IRF4: variants seen among roughly 807,000 people sequenced by gnomAD.
The protein encoded by IRF4 is interferon regulatory factor 4.
Under a neutral mutation model 55.5 loss-of-function variants are expected in IRF4, and 13 were observed. The ratio of observed to expected loss-of-function variants is 0.23; its 90% CI spans 0.15 to 0.37. The LOEUF (loss-of-function observed/expected upper bound fraction) is 0.37, where lower values mean the gene tolerates loss of function less well. Ranked by LOEUF, IRF4 falls within the 10% of genes least tolerant of loss-of-function variation. The pLI, the probability that IRF4 is intolerant of heterozygous loss-of-function variation, is 1.00. For synonymous variants in IRF4, 249 were observed against 240.7 expected (o/e 1.03, Z -0.32); for missense variants, 397 against 593.8 (o/e 0.67, Z 3.44).
At chr6:407,154 G>T (rs1209222550) in intron 8 of IRF4, among the ~76,000 whole-genome samples, 1 of 152,160 alleles carries the variant, frequency 6.6e-6, no homozygotes, top group Non-Finnish European at 1.5e-5. Context: ...CTTTTAATTT[G>T]ATCACTTTAC....
chr6:402,621 C>T (rs528794445), intron 7 of IRF4, among the ~76,000 whole-genome samples: 3 of 152,356 alleles, frequency 2.0e-5, no homozygotes, highest in Non-Finnish European at 4.4e-5. Flanking sequence ...AAATATGACA[C>T]GTCTGTGTGC....
In IRF4 at chr6:393,178, G is replaced by A. The variant is rs1581220840; in HGVS notation, c.26G>A (p.Gly9Asp). ...ATGAACCTGGAGGGCGGCGGCCGAG[G>A]CGGAGAGTTCGGCATGAGCGCGGTG... Reference protein sequence around the residue: MNLEGGGRGGEFGMSAVSC... With the variant: MNLEGGGRDGEFGMSAVSC... Residue 9 changes from glycine to aspartate, a missense_variant, in exon 2 of 9, where the codon GGC (glycine) becomes GAC (aspartate). By Grantham distance (94) the Gly-to-Asp change is moderately conservative (BLOSUM62 -1). This residue lies in a region of IRF4 where 34 missense variants were observed against 29.4 expected (regional missense o/e 1.16). Coordinates refer to ENST00000380956, the MANE Select transcript of IRF4 (RefSeq NM_002460.4). The surrounding 1 kb of genome is among the most constrained non-coding windows in gnomAD (Gnocchi z 5.4). The A allele has an allele frequency of 6.4e-7, 1 of 1,552,484 alleles. No individual in the cohort carries two copies. The highest frequency in any genetic ancestry group is 2.4e-5 in the East Asian group (1 of 41,244).
intron 1 of IRF4, among the ~76,000 whole-genome samples, chr6:392,743 G>A (rs771297689): frequency 6.6e-6 from 1 of 152,204 alleles, no homozygotes; most frequent in Non-Finnish European, 1.5e-5. Context: ...CGAGAGCTGC[G>A]AGTGAGTGCG....
rs2127436200 is a variant in IRF4, at chr6:393,430, TC to T, written c.216+66del. 1.0e-5 allele frequency: 4 copies of T among 383,378 alleles called. No individual in the cohort carries two copies. Among genetic ancestry groups the T allele is most frequent in the African/African-American group, 2.4e-5 (1 of 42,370 alleles). 23.7% of individuals were successfully genotyped at this position (383,378 alleles called of 1,614,324 possible). On this transcript the variant is annotated intron_variant, in intron 2 of 8. Coordinates refer to ENST00000380956, the MANE Select transcript of IRF4 (RefSeq NM_002460.4). This position sits in a 1 kb window ranked among gnomAD's most constrained non-coding sequence, Gnocchi z 5.4. The stretch of plus-strand genomic sequence containing the variant: ...GAGGGCCCAGAGACAGAGCCCGGGG[TC>T]CCCGGCGCCGCCTCCGAGGCGAGCC...
At chr6:406,755 A>G in intron 8 of IRF4, 2 of 1,148,996 alleles carry the variant, frequency 1.7e-6, no homozygotes, top group Non-Finnish European at 1.1e-6. Context: ...TATTAATTTA[A>G]TTCATTTCAG....
intron 2 of IRF4, among the ~76,000 whole-genome samples, chr6:394,522 C>G (rs958973315): frequency 2.6e-5 from 4 of 152,180 alleles, no homozygotes; most frequent in Admixed American, 2.6e-4. Context: ...AATCCCAGCA[C>G]TTTGGGAAGA....
rs545920386 is a variant in IRF4 at position 411,339 on chromosome 6, G to T, written c.*3741G>T. The stretch of plus-strand genomic sequence containing the variant: ...CTGAGGTAGATAATGCTATGCTGTC[G>T]TTGGTATACATCATGAATTTTTATG... On this transcript the variant is annotated 3_prime_UTR_variant, in exon 9 of 9. Coordinates refer to ENST00000380956, the MANE Select transcript of IRF4 (RefSeq NM_002460.4). 4.6e-6 allele frequency: 1 copy of T among 218,582 alleles called. No individual in the cohort carries two copies. Among genetic ancestry groups the T allele is most frequent in the African/African-American group, 2.2e-5 (1 of 44,470 alleles). The allele number at this position is 218,582 out of a possible 1,614,324, so 13.5% of individuals were successfully genotyped here.
intron 1 of IRF4, chr6:392,034 C>A (rs1761116032): frequency 2.9e-6 from 1 of 346,566 alleles, no homozygotes; most frequent in South Asian, 2.1e-5. Flanking sequence ...CCCGAGCCTC[C>A]CCGCCTGCCC....
chr6:407,869 C>A lies in IRF4; in HGVS notation c.*271C>A. 1 of 416,046 alleles carries A rather than the reference C, an allele frequency of 2.4e-6. No individual in the cohort carries two copies. Among genetic ancestry groups the A allele is most frequent in the Non-Finnish European group, 4.3e-6 (1 of 234,462 alleles). 25.8% of individuals were successfully genotyped at this position (416,046 alleles called of 1,614,324 possible). ...AAGCGTCCAATTGACTGCCCTCTTACTGTTTTGAGGAATTCAGAAGTGGAG... is the reference window on the plus strand; with the variant it reads ...AAGCGTCCAATTGACTGCCCTCTTAATGTTTTGAGGAATTCAGAAGTGGAG... On this transcript the variant is annotated 3_prime_UTR_variant, in exon 9 of 9. Coordinates refer to ENST00000380956, the MANE Select transcript of IRF4 (RefSeq NM_002460.4).
chr6:392,494 C>T (rs1052060618), intron 1 of IRF4, among the ~76,000 whole-genome samples: 2 of 152,228 alleles, frequency 1.3e-5, no homozygotes, highest in Non-Finnish European at 2.9e-5. Context: ...GCGTCTGCGC[C>T]ACTTGTCGTT....
rs1304855016 is a variant in IRF4, at chr6:410,612, G to T, written c.*3014G>T. Reference sequence around the variant, plus strand: ...AGCCCCAGGGGTGGAACAACTCTGGGAGTCTTGGGTACTCGCACCTCTTGG... The same window carrying T: ...AGCCCCAGGGGTGGAACAACTCTGGTAGTCTTGGGTACTCGCACCTCTTGG... On this transcript the variant is annotated 3_prime_UTR_variant, in exon 9 of 9. Transcript: ENST00000380956. The T allele has an allele frequency of 4.3e-6, 1 of 231,162 alleles. No individual in the cohort carries two copies. The highest frequency in any genetic ancestry group is 8.6e-6 in the Non-Finnish European group (1 of 116,682). The allele number at this position is 231,162 out of a possible 1,614,324, so 14.3% of individuals were successfully genotyped here. A position where few individuals can be genotyped will look rare whatever the true frequency, so the allele number is the denominator to read the frequency against.
chr6:393,322 C>T lies in IRF4; in HGVS notation c.170C>T (p.Ala57Val). The T allele has an allele frequency of 6.2e-7, 1 of 1,608,162 alleles. No individual in the cohort carries two copies. The highest frequency in any genetic ancestry group is 8.5e-7 in the Non-Finnish European group (1 of 1,177,670). Residue 57 changes from alanine (A) to valine (V), a missense_variant, in exon 2 of 9, where the codon GCG becomes GTG. By Grantham distance (64) the Ala-to-Val change is moderately conservative (BLOSUM62 0). Coordinates refer to ENST00000380956, the MANE Select transcript of IRF4 (RefSeq NM_002460.4). This position sits in a 1 kb window ranked among gnomAD's most constrained non-coding sequence, Gnocchi z 5.4. ...KSIFRIPWKHAGKQDYNREED... is the reference protein window; with the variant it reads ...KSIFRIPWKHVGKQDYNREED... ...ATCTTCCGCATCCCCTGGAAGCACG[C>T]GGGCAAGCAGGACTACAACCGCGAG...
Position 407,837 on chromosome 6 carries a change from T to C in IRF4, c.*239T>C. 2.1e-6 allele frequency: 1 copy of C among 469,036 alleles called. No homozygotes were observed. The highest frequency in any genetic ancestry group is 4.2e-5 in the Admixed American group (1 of 23,532). 29.1% of individuals were successfully genotyped at this position (469,036 alleles called of 1,614,324 possible). On this transcript the variant is annotated 3_prime_UTR_variant, in exon 9 of 9. Coordinates refer to ENST00000380956, the MANE Select transcript of IRF4 (RefSeq NM_002460.4). ...TGATTTTCATTGTAAATATTTGACT[T>C]TAGTGAAAGCGTCCAATTGACTGCC...
Position 408,912 on chromosome 6 carries a change from T to C in IRF4, c.*1314T>C, listed in dbSNP as rs1761621475. ...TGACAGGGCCTTAAAATTACTTGGCTTTTTCCAAATGCTTCTATTTATAGA... is the reference window on the plus strand; with the variant it reads ...TGACAGGGCCTTAAAATTACTTGGCCTTTTCCAAATGCTTCTATTTATAGA... On this transcript the variant is annotated 3_prime_UTR_variant, in exon 9 of 9. Coordinates refer to ENST00000380956, the MANE Select transcript of IRF4 (RefSeq NM_002460.4). The C allele has an allele frequency of 4.3e-6, 1 of 230,202 alleles. No individual in the cohort carries two copies. 14.3% of individuals were successfully genotyped at this position (230,202 alleles called of 1,614,324 possible).
At chr6:397,402 A>C in intron 5 of IRF4, 150 bp downstream of exon 5, 1 of 876,220 alleles carries the variant, frequency 1.1e-6, no homozygotes, top group Non-Finnish European at 1.7e-6. Flanking sequence ...GGGTTTTCTC[A>C]CTCCTGTGGG....
chr6:394,695 C>T (rs756489003), intron 2 of IRF4, 126 bp from the exon 3 acceptor site: 73 of 857,730 alleles, frequency 8.5e-5, no homozygotes, highest in Admixed American at 2.3e-5. Flanking sequence ...TTCGATGCTG[C>T]GGTGAGCTAT....
At position 393,066 on chromosome 6, in the gene IRF4, T is replaced by C; in HGVS notation, c.-55-32T>C. The C allele has an allele frequency of 1.6e-6, 2 of 1,269,152 alleles. No homozygotes were observed. Among genetic ancestry groups the C allele is most frequent in the Non-Finnish European group, 2.2e-6 (2 of 922,656 alleles). The allele number at this position is 1,269,152 out of a possible 1,614,324, so 78.6% of individuals were successfully genotyped here. A position where few individuals can be genotyped will look rare whatever the true frequency, so the allele number is the denominator to read the frequency against. On this transcript the variant is annotated intron_variant, in intron 1 of 8. Coordinates refer to ENST00000380956, the MANE Select transcript of IRF4 (RefSeq NM_002460.4). The surrounding 1 kb of genome is among the most constrained non-coding windows in gnomAD (Gnocchi z 5.4). ...GGCGGGGTGCCCGGAGTGCGGTGCC[T>C]CGTGGCTGAAGGGCAGCTCTTCTCC...
chr6:393,714 C>T lies in IRF4; in HGVS notation c.216+346C>T, dbSNP rs895001825. ...GCAAGCCTCCCGCCCTTCCTCCGGG[C>T]TCCCGTCTGCCGCCTCCGTCCGTGG... On this transcript the variant is annotated intron_variant, in intron 2 of 8. Coordinates refer to ENST00000380956, the MANE Select transcript of IRF4 (RefSeq NM_002460.4). This position sits in a 1 kb window ranked among gnomAD's most constrained non-coding sequence, Gnocchi z 5.4. Among the ~76,000 whole-genome samples the T allele has an allele frequency of 5.3e-5, 8 of 152,128 alleles. No homozygotes were observed. Among genetic ancestry groups the T allele is most frequent in the South Asian group, 2.1e-4 (1 of 4,834 alleles).
At position 410,431 on chromosome 6, in the gene IRF4, C is replaced by G. The variant is rs1761669155; in HGVS notation, c.*2833C>G. On this transcript the variant is annotated 3_prime_UTR_variant, in exon 9 of 9. Transcript: ENST00000380956. ...TCGCCCTACAGAAAACCCAGCTAGACTATTGGGTATGAACTAAAAAGAGAC... is the reference window on the plus strand; with the variant it reads ...TCGCCCTACAGAAAACCCAGCTAGAGTATTGGGTATGAACTAAAAAGAGAC... 1 of 229,426 alleles carries G rather than the reference C, an allele frequency of 4.4e-6. No homozygotes were observed. The highest frequency in any genetic ancestry group is 6.1e-5 in the East Asian group (1 of 16,272). The allele number at this position is 229,426 out of a possible 1,614,324, so 14.2% of individuals were successfully genotyped here.
Sources: allele counts gnomAD v4.1 joint callset (sites outside exome capture counted in the v4.1 genomes callset), GRCh38; gene constraint gnomAD v4.1.1; regional missense constraint gnomAD v4.1.1; non-coding constraint Gnocchi (gnomAD v3.1); transcripts MANE v1.5; gene names NCBI Gene and HGNC (gene_info 2026-07-23, HGNC 2026-07-21).